IQSEC1: variants seen among roughly 807,000 people sequenced by gnomAD.
The protein encoded by IQSEC1 is IQ motif and SEC7 domain-containing protein 1.
Under a neutral mutation model 91.0 loss-of-function variants are expected in IQSEC1, and 31 were observed. The observed-to-expected ratio is 0.34, with a 90% CI of 0.26 to 0.46. The LOEUF (loss-of-function observed/expected upper bound fraction) is 0.46, where lower values mean the gene tolerates loss of function less well. IQSEC1 is among the 20% of genes least tolerant of loss of function. The probability of loss-of-function intolerance (pLI) is 1.00; values close to 1 mark genes in which losing one functional copy is unlikely to be tolerated. For missense variants in IQSEC1, 1,388 were observed against 1,575.6 expected, an observed-to-expected ratio of 0.88 and a Z score of 2.02; for synonymous variants, 699 against 662.6, an observed-to-expected ratio of 1.05 and a Z score of -0.84.
At chr3:13,265,155 C>T (rs192721117) in intron 1 of IQSEC1, among the ~76,000 whole-genome samples, 23 of 152,342 alleles carry the variant, frequency 1.5e-4, no homozygotes, top group Admixed American at 1.3e-3. Flanking sequence ...GCCTCCTCCT[C>T]GGCCCGTGCA....
Position 12,936,070 on chromosome 3 carries a change from A to C in IQSEC1, c.946T>G (p.Ser316Ala). Reference sequence around the variant, plus strand: ...CCCCCAGCCCGTAGCCGCAGGTCCGACTCGGTGCTGGACGGCCGGTCCCCT... The same window carrying C: ...CCCCCAGCCCGTAGCCGCAGGTCCGCCTCGGTGCTGGACGGCCGGTCCCCT... ...QAGDRPSSTE[S>A]DLRLRAGGAA... The change falls in exon 3 of 14, where the codon TCG becomes GCG. Residue 316 changes from serine (S) to alanine (A), a missense_variant. Transcript: ENST00000613206. 1 of 1,607,914 alleles carries C rather than the reference A, an allele frequency of 6.2e-7. No homozygotes were observed. The highest frequency in any genetic ancestry group is 8.5e-7 in the Non-Finnish European group (1 of 1,179,732).
intron 1 of IQSEC1, among the ~76,000 whole-genome samples, chr3:13,201,963 G>A (rs951548133): frequency 6.6e-6 from 1 of 152,188 alleles, no homozygotes; most frequent in African/African-American, 2.4e-5. Flanking sequence ...AAATTATTAT[G>A]GAGTACTTTA....
intron 7 of IQSEC1, among the ~76,000 whole-genome samples, 184 bp from the exon 8 acceptor site, chr3:12,915,317 C>G (rs55881454): frequency 0.12 from 17,871 of 152,242 alleles, 1,171 homozygotes; most frequent in South Asian, 0.22. Flanking sequence ...CCCAGGAAAG[C>G]CTGCCAGTGT....
chr3:13,174,474 C>T (rs1015074823), intron 1 of IQSEC1, among the ~76,000 whole-genome samples: 1 of 152,132 alleles, frequency 6.6e-6, no homozygotes, highest in Non-Finnish European at 1.5e-5. Context: ...CATGGCCTCC[C>T]CATCTCAGCG....
At chr3:13,096,319 C>G (rs1485264524) in intron 2 of IQSEC1, among the ~76,000 whole-genome samples, 1 of 152,230 alleles carries the variant, frequency 6.6e-6, no homozygotes, top group Non-Finnish European at 1.5e-5. Context: ...GGGGACAGGC[C>G]TCTAAGTGAT....
intron 2 of IQSEC1, among the ~76,000 whole-genome samples, chr3:12,939,467 T>G (rs918792632): frequency 3.9e-5 from 6 of 152,232 alleles, no homozygotes; most frequent in Admixed American, 1.3e-4. Flanking sequence ...GCCCTTGGGC[T>G]CCTTTCACTA....
At chr3:13,174,833 T>TC (rs754194155) in intron 1 of IQSEC1, among the ~76,000 whole-genome samples, 4,118 of 112,316 alleles carry the variant, frequency 0.037, 60 homozygotes, top group Non-Finnish European at 0.05. Context: ...GTCTTTCTGC[T>TC]CCCCCCCCCC....
chr3:12,907,551 G>A (rs1695116774), intron 12 of IQSEC1, among the ~76,000 whole-genome samples: 1 of 152,182 alleles, frequency 6.6e-6, no homozygotes, highest in Non-Finnish European at 1.5e-5. Context: ...TACACTCCTT[G>A]AGCAGCAACA....
chr3:13,052,878 A>C lies in IQSEC1; in HGVS notation c.23+20114T>G, dbSNP rs376581259. 88 of 724,720 alleles carry C rather than the reference A, an allele frequency of 1.2e-4. No homozygotes were observed. In the African/African-American group the frequency reaches 1.3e-3, roughly 11 times the overall value. 44.9% of individuals were successfully genotyped at this position (724,720 alleles called of 1,614,324 possible). On this transcript the variant is annotated intron_variant, in intron 1 of 13. Coordinates refer to ENST00000613206, the MANE Select transcript of IQSEC1 (RefSeq NM_001134382.3). The stretch of plus-strand genomic sequence containing the variant: ...CCCAATAAAACATGTCCAACTCTCC[A>C]GATAGTGGTGACATTTTCTGCTTGA...
At chr3:13,013,589 C>T (rs188774429) in intron 1 of IQSEC1, among the ~76,000 whole-genome samples, 188 of 152,286 alleles carry the variant, frequency 1.2e-3, no homozygotes, top group African/African-American at 4.3e-3. Context: ...TACAACCAAC[C>T]GCTTACCCCT....
chr3:13,108,738 T>C (rs570132946), intron 2 of IQSEC1, among the ~76,000 whole-genome samples: 77 of 152,170 alleles, frequency 5.1e-4, no homozygotes, highest in Non-Finnish European at 1.0e-3. Flanking sequence ...CTGCTTAGCA[T>C]GGACAAAACT....
At position 12,967,730 on chromosome 3, in the gene IQSEC1, TGGGCGGGGCA is replaced by T. The variant is rs1225855370; in HGVS notation, c.24-25875_24-25866del. 10 of 1,069,860 alleles carry T rather than the reference TGGGCGGGGCA, an allele frequency of 9.3e-6. No individual in the cohort carries two copies. The Admixed American group carries it at 4.9e-4, about 52-fold the overall frequency. 66.3% of individuals were successfully genotyped at this position (1,069,860 alleles called of 1,614,324 possible). On this transcript the variant is annotated intron_variant, in intron 1 of 13. Transcript: ENST00000613206. This position sits in a 1 kb window ranked among gnomAD's most constrained non-coding sequence, Gnocchi z 5.9. Reference sequence around the variant, plus strand: ...GGGCCGGAGGAATGTGGCCCTGAAGTGGGCGGGGCAGGGCGGGGGCGGGGCCGGAGGGCGA... The same window carrying T: ...GGGCCGGAGGAATGTGGCCCTGAAGTGGGCGGGGGCGGGGCCGGAGGGCGA...
At chr3:13,125,576 C>T (rs1466829479) in intron 2 of IQSEC1, among the ~76,000 whole-genome samples, 1 of 152,212 alleles carries the variant, frequency 6.6e-6, no homozygotes, top group East Asian at 1.9e-4. Context: ...GCTGCACAGC[C>T]CAGGGTGAAT....
At chr3:13,221,108 T>A (rs1694651116) in intron 1 of IQSEC1, among the ~76,000 whole-genome samples, 1 of 152,030 alleles carries the variant, frequency 6.6e-6, no homozygotes, top group African/African-American at 2.4e-5. Context: ...AAGGACCCTA[T>A]AGTGTGACAC....
upstream of IQSEC1, among the ~76,000 whole-genome samples, chr3:13,074,748 T>C (rs1398957706): frequency 1.3e-5 from 2 of 152,222 alleles, no homozygotes; most frequent in Non-Finnish European, 2.9e-5. Context: ...TGGATGTGGA[T>C]GGCAGCCCAC....
intron 1 of IQSEC1, among the ~76,000 whole-genome samples, chr3:13,218,791 A>G (rs1254409001): frequency 6.6e-6 from 1 of 152,148 alleles, no homozygotes; most frequent in Non-Finnish European, 1.5e-5. Context: ...GGGTGGCCTG[A>G]ACAGATCCAG....
At chr3:13,111,404 G>A (rs1295483912) in intron 2 of IQSEC1, among the ~76,000 whole-genome samples, 1 of 152,148 alleles carries the variant, frequency 6.6e-6, no homozygotes, top group Non-Finnish European at 1.5e-5. Context: ...TTCCTGATGG[G>A]GCCGAGGCTG....
chr3:13,047,210 C>T (rs532707961), intron 1 of IQSEC1, among the ~76,000 whole-genome samples: 2 of 152,326 alleles, frequency 1.3e-5, no homozygotes, highest in South Asian at 4.1e-4. Flanking sequence ...TCCGAGGGGC[C>T]TTCAGCTGAG....
chr3:13,198,808 C>A (rs537600391), intron 1 of IQSEC1, among the ~76,000 whole-genome samples: 1 of 152,336 alleles, frequency 6.6e-6, no homozygotes, highest in East Asian at 1.9e-4. Context: ...GAAGCCAGTG[C>A]CTGCTGGAGC....
Sources: allele counts gnomAD v4.1 joint callset (sites outside exome capture counted in the v4.1 genomes callset), GRCh38; gene constraint gnomAD v4.1.1; non-coding constraint Gnocchi (gnomAD v3.1); transcripts MANE v1.5; gene names NCBI Gene and HGNC (gene_info 2026-07-23, HGNC 2026-07-21).